The following GIT1 variants were observed in gnomAD, a reference collection of about 807,000 sequenced individuals.
GIT1 encodes GIT ArfGAP 1, also known as ARF GTPase-activating protein GIT1.
A neutral mutation model predicts 91.7 loss-of-function variants in GIT1; 14 were observed. The ratio of observed to expected loss-of-function variants is 0.15; its 90% CI spans 0.10 to 0.24. The LOEUF is 0.24. Among genes scored for constraint, GIT1 ranks in the 10% least tolerant of loss-of-function variants. The pLI, the probability that GIT1 is intolerant of heterozygous loss-of-function variation, is 1.00. For synonymous variants in GIT1, 414 were observed against 418.2 expected (o/e 0.99, Z 0.12); for missense variants, 717 against 1,024.9 (o/e 0.70, Z 4.10).
In GIT1 at chr17:29,583,634, A is replaced by T; in HGVS notation, c.53-18T>A. 1.3e-6 allele frequency: 2 copies of T among 1,565,308 alleles called. No homozygotes were observed. The highest frequency in any genetic ancestry group is 1.7e-6 in the Non-Finnish European group (2 of 1,157,468). On this transcript the variant is annotated intron_variant, in intron 1 of 19. Transcript: ENST00000225394. ...GCCAGGGTCTGCCAGGGTGAGGGCA[A>T]GGGTCAGCCGGAGCCAGATGATGGG...
Position 29,574,571 on chromosome 17 carries a change from G to A in GIT1, c.*131C>T. The A allele has an allele frequency of 1.2e-6, 1 of 822,506 alleles. No individual in the cohort carries two copies. Among genetic ancestry groups the A allele is most frequent in the Non-Finnish European group, 2.1e-6 (1 of 487,462 alleles). 51.0% of individuals were successfully genotyped at this position (822,506 alleles called of 1,614,324 possible). On this transcript the variant is annotated 3_prime_UTR_variant, in exon 20 of 20. Transcript: ENST00000225394. ...GGGGTGGGCACCAGGGCACCTGGCT[G>A]CCAGGGAGTGTGGCAGCACTAAGGG...
At chr17:29,578,969 A>G in intron 7 of GIT1, 190 bp from the exon 8 acceptor site, 2 of 1,613,934 alleles carry the variant, frequency 1.2e-6, no homozygotes, top group Non-Finnish European at 1.7e-6. Flanking sequence ...TACCTCTGAG[A>G]CATGCACTTT....
Position 29,582,039 on chromosome 17 carries a change from G to C in GIT1, c.511C>G (p.Leu171Val), listed in dbSNP as rs376446714. The change falls in exon 5 of 20, where the codon CTG (leucine) becomes GTG (valine). Residue 171 changes from leucine (L) to valine (V), a missense_variant. Physicochemically the swap from Leu to Val is conservative, Grantham distance 32. Transcript: ENST00000225394. Reference sequence around the variant, plus strand: ...TGTCCTGCCTTGGCAGCCACGTGCAGAGGTGTGGTGCCCTTCTCTGGGTGG... The same window carrying C: ...TGTCCTGCCTTGGCAGCCACGTGCACAGGTGTGGTGCCCTTCTCTGGGTGG... Reference protein sequence around the residue: ...FFHPEKGTTPLHVAAKAGQTL... With the variant: ...FFHPEKGTTPVHVAAKAGQTL... 6.2e-7 allele frequency: 1 copy of C among 1,611,760 alleles called. No individual in the cohort carries two copies. Among genetic ancestry groups the C allele is most frequent in the Non-Finnish European group, 8.5e-7 (1 of 1,180,010 alleles).
At chr17:29,583,439 C>T (rs2150848465) in intron 2 of GIT1, 44 bp downstream of exon 2, 1 of 1,599,454 alleles carries the variant, frequency 6.3e-7, no homozygotes, top group Non-Finnish European at 8.5e-7. Context: ...GCTCAGCACA[C>T]TCTGCCTGAG....
rs1166667292 is a variant in GIT1 at position 29,574,124 on chromosome 17, GA to G, written c.*577del. 1 of 149,828 alleles carries G rather than the reference GA, an allele frequency of 6.7e-6. No individual in the cohort carries two copies. Among genetic ancestry groups the G allele is most frequent in the Non-Finnish European group, 1.5e-5 (1 of 67,526 alleles). The allele number at this position is 149,828 out of a possible 1,614,324, so 9.3% of individuals were successfully genotyped here. On this transcript the variant is annotated 3_prime_UTR_variant, in exon 20 of 20. Coordinates refer to ENST00000225394, the MANE Select transcript of GIT1 (RefSeq NM_014030.4). ...GTTAAAATTAAGGGGTGGGGAAGAA[GA>G]AAGAAAAAAAAAAAACAGACTTTCC...
At chr17:29,583,373 T>A in intron 2 of GIT1, 110 bp downstream of exon 2, 1 of 1,196,132 alleles carries the variant, frequency 8.4e-7, no homozygotes, top group Non-Finnish European at 1.2e-6. Context: ...TGCTGCCCCT[T>A]GGAAGCTGCA....
Position 29,581,913 on chromosome 17 carries a change from C to T in GIT1, c.623+14G>A. ...CCCCACCCACCCACACTGCACCCTT[C>T]AGCCGACCCTCACCTGGCATAGTCA... On this transcript the variant is annotated intron_variant, in intron 5 of 19. Transcript: ENST00000225394. The surrounding 1 kb of genome is among the most constrained non-coding windows in gnomAD (Gnocchi z 4.8). 4.5e-6 allele frequency: 7 copies of T among 1,568,912 alleles called. No homozygotes were observed. Among genetic ancestry groups the T allele is most frequent in the South Asian group, 1.1e-5 (1 of 90,390 alleles).
Position 29,575,840 on chromosome 17 carries a change from G to A in GIT1, c.1724C>T (p.Ser575Phe). 1 of 1,612,824 alleles carries A rather than the reference G, an allele frequency of 6.2e-7. No individual in the cohort carries two copies. Among genetic ancestry groups the A allele is most frequent in the South Asian group, 1.1e-5 (1 of 90,918 alleles). ...VPFTPSSPLL[S>F]CSQEGSRHTS... The stretch of plus-strand genomic sequence containing the variant: ...GTGGCGGCTTCCCTCCTGGGAGCAG[G>A]ACAGCAGCGGGGAGGAGGGAGTGAA... The change falls in exon 16 of 20, where the codon TCC (serine) becomes TTC (phenylalanine). Residue 575 changes from serine (S) to phenylalanine (F), a missense_variant. Transcript: ENST00000225394. This position sits in a 1 kb window ranked among gnomAD's most constrained non-coding sequence, Gnocchi z 5.5.
intron 10 of GIT1, 59 bp from the exon 11 acceptor site, chr17:29,577,306 G>T: frequency 7.8e-7 from 1 of 1,274,750 alleles, no homozygotes. Flanking sequence ...GACGCAGGAC[G>T]GCAGGGACCA....
chr17:29,585,030 C>G (rs2033545448), intron 1 of GIT1, among the ~76,000 whole-genome samples: 1 of 130,246 alleles, frequency 7.7e-6, no homozygotes, highest in East Asian at 2.3e-4. Flanking sequence ...CGGGTTTAGG[C>G]TTTTTAAGGG....
intron 12 of GIT1, 70 bp downstream of exon 12, chr17:29,576,793 G>A (rs2033221499): frequency 6.3e-7 from 1 of 1,576,126 alleles, no homozygotes; most frequent in Non-Finnish European, 8.6e-7. Context: ...GCTACAAGAG[G>A]ACAGAGCTGG....
At chr17:29,586,559 A>C (rs1357288002) in intron 1 of GIT1, among the ~76,000 whole-genome samples, 1 of 152,162 alleles carries the variant, frequency 6.6e-6, no homozygotes, top group Non-Finnish European at 1.5e-5. Context: ...AGGGAGGAAG[A>C]GGAGCCCAAC....
chr17:29,574,602 G>T lies in GIT1; in HGVS notation c.*100C>A. The T allele has an allele frequency of 9.8e-7, 1 of 1,025,486 alleles. No homozygotes were observed. The highest frequency in any genetic ancestry group is 1.5e-6 in the Non-Finnish European group (1 of 657,458). 63.5% of individuals were successfully genotyped at this position (1,025,486 alleles called of 1,614,324 possible). A position where few individuals can be genotyped will look rare whatever the true frequency, so the allele number is the denominator to read the frequency against. On this transcript the variant is annotated 3_prime_UTR_variant, in exon 20 of 20. Coordinates refer to ENST00000225394, the MANE Select transcript of GIT1 (RefSeq NM_014030.4). The stretch of plus-strand genomic sequence containing the variant: ...GAGTGTGGCAGCACTAAGGGCACTT[G>T]TGCCAGTGGCTCTGTTGGGGTGGGG...
chr17:29,577,987 A>G (rs1293427325), intron 9 of GIT1, among the ~76,000 whole-genome samples: 1 of 152,246 alleles, frequency 6.6e-6, no homozygotes, highest in Non-Finnish European at 1.5e-5. Context: ...TTGGGCTGGA[A>G]TCCGGCTGTG....
In GIT1 at chr17:29,581,032, G is replaced by C. The variant is rs2033377973; in HGVS notation, c.761+306C>G. On this transcript the variant is annotated intron_variant, in intron 7 of 19. Coordinates refer to ENST00000225394, the MANE Select transcript of GIT1 (RefSeq NM_014030.4). The surrounding 1 kb of genome is among the most constrained non-coding windows in gnomAD (Gnocchi z 4.8). The stretch of plus-strand genomic sequence containing the variant: ...GACCTCAGGTGATCCGCCCGCCTCG[G>C]CCTCCCAAAGTGCTGGGATTACAGG... The C allele has an allele frequency of 2.6e-6, 1 of 379,854 alleles. No individual in the cohort carries two copies. Among genetic ancestry groups the C allele is most frequent in the Admixed American group, 3.7e-5 (1 of 27,078 alleles). 23.5% of individuals were successfully genotyped at this position (379,854 alleles called of 1,614,324 possible).
At chr17:29,586,036 C>T (rs1255260780) in intron 1 of GIT1, among the ~76,000 whole-genome samples, 1 of 151,780 alleles carries the variant, frequency 6.6e-6, no homozygotes, top group East Asian at 1.9e-4. Context: ...GCCTCCCTCC[C>T]CTGAGCTAAG....
Position 29,589,424 on chromosome 17 carries a change from C to A in GIT1, c.-46G>T, listed in dbSNP as rs2033730118. 1.1e-6 allele frequency: 1 copy of A among 872,272 alleles called. No homozygotes were observed. Among genetic ancestry groups the A allele is most frequent in the Non-Finnish European group, 1.4e-6 (1 of 728,556 alleles). 54.0% of individuals were successfully genotyped at this position (872,272 alleles called of 1,614,324 possible). ...CAGCCCTCTGGGCCAGCGTGGGGGG[C>A]GCGGGCGGCGGGCCCGGGCGGCGGC... On this transcript the variant is annotated 5_prime_UTR_variant, in exon 1 of 20. Coordinates refer to ENST00000225394, the MANE Select transcript of GIT1 (RefSeq NM_014030.4). This position sits in a 1 kb window ranked among gnomAD's most constrained non-coding sequence, Gnocchi z 5.2.
At chr17:29,582,662 G>C (rs1362759567) in intron 4 of GIT1, 36 bp downstream of exon 4, 1 of 1,357,062 alleles carries the variant, frequency 7.4e-7, no homozygotes. Flanking sequence ...GGAAGAAGAG[G>C]AGGGGGCCAC....
At position 29,576,341 on chromosome 17, in the gene GIT1, C is replaced by G. The variant is rs147741808; in HGVS notation, c.1490G>C (p.Gly497Ala). The G allele has an allele frequency of 1.5e-4, 244 of 1,613,206 alleles. 1 individual carries two copies. The highest frequency in any genetic ancestry group is 2.0e-4 in the Non-Finnish European group (239 of 1,179,958). ...CTGGCGATCCCTGCGGTGTGTGCTC[C>G]CGCCTGGCGCCATGGGTGTGTGTTC... The part of the protein sequence containing the change: ...RAEHTPMAPG[G>A]STHRRDRQAF... Residue 497 changes from glycine (G) to alanine (A), a missense_variant, in exon 14 of 20, where the codon GGG becomes GCG. This residue lies in a region of GIT1 where 312 missense variants were observed against 349.5 expected (regional missense o/e 0.89). Transcript: ENST00000225394.
Sources: allele counts gnomAD v4.1 joint callset (sites outside exome capture counted in the v4.1 genomes callset), GRCh38; gene constraint gnomAD v4.1.1; regional missense constraint gnomAD v4.1.1; non-coding constraint Gnocchi (gnomAD v3.1); transcripts MANE v1.5; gene names NCBI Gene and HGNC (gene_info 2026-07-23, HGNC 2026-07-21).